The following TASP1 variants were observed in gnomAD, a reference collection of about 807,000 sequenced individuals.
The protein encoded by TASP1 is threonine aspartase 1.
A neutral mutation model predicts 56.6 loss-of-function variants in TASP1; 16 were observed. The ratio of observed to expected loss-of-function variants is 0.28; its 90% CI spans 0.19 to 0.43. The LOEUF is 0.43. TASP1 is among the 20% of genes least tolerant of loss of function. The pLI, the probability that TASP1 is intolerant of heterozygous loss-of-function variation, is 1.00. For missense variants in TASP1, 393 were observed against 511.6 expected, an observed-to-expected ratio of 0.77 and a Z score of 2.24; for synonymous variants, 179 against 184.2, an observed-to-expected ratio of 0.97 and a Z score of 0.23.
chr20:13,598,427 T>A lies in TASP1; in HGVS notation c.283-11057A>T, dbSNP rs539209064. Among the ~76,000 whole-genome samples, 3 of 152,260 alleles carry A rather than the reference T, an allele frequency of 2.0e-5. No individual in the cohort carries two copies. The East Asian group carries it at 5.8e-4, about 29-fold the overall frequency. ...TGACAAAACTGACAAAAACAAGAAA[T>A]GGGGAAATGATTCCCTATTTAATAA... is the stretch of plus-strand genomic sequence containing the variant. On this transcript the variant is annotated intron_variant, in intron 4 of 13. Transcript: ENST00000337743.
At position 13,410,981 on chromosome 20, in the gene TASP1, A is replaced by G. The variant is rs1358682019; in HGVS notation, c.1170+6467T>C. On this transcript the variant is annotated intron_variant, in intron 13 of 13. Coordinates refer to ENST00000337743, the MANE Select transcript of TASP1 (RefSeq NM_017714.3). ...TTTGGGGCCTTACATTTAAGATTTT[A>G]ATCAATCTTGAATGGATTTTTATAT... is the stretch of plus-strand genomic sequence containing the variant. Among the ~76,000 whole-genome samples the G allele has an allele frequency of 4.6e-5, 7 of 152,132 alleles. No homozygotes were observed. The East Asian group carries it at 1.3e-3, about 29-fold the overall frequency.
Position 13,577,797 on chromosome 20 carries a change from G to A in TASP1, c.488+3100C>T, listed in dbSNP as rs199870737. 3.3e-5 allele frequency among the ~76,000 whole-genome samples: 5 copies of A among 152,278 alleles called. No homozygotes were observed. The East Asian group carries it at 9.6e-4, about 29-fold the overall frequency. On this transcript the variant is annotated intron_variant, in intron 6 of 13. Transcript: ENST00000337743. ...ACTGAATCTAAGGTATTTTGTTAAG[G>A]CAGCCCAAGTAAATTAATTCTAACA...
At chr20:13,111,806 TC>T in the TASP1 span, among the ~76,000 whole-genome samples, 1 of 152,180 alleles carries the variant, frequency 6.6e-6, no homozygotes, top group African/African-American at 2.4e-5. Context: ...AGAACTTGGC[TC>T]CAGTAAATGA....
At chr20:13,591,040 T>C (rs1454888239) in intron 4 of TASP1, among the ~76,000 whole-genome samples, 1 of 139,590 alleles carries the variant, frequency 7.2e-6, no homozygotes, top group Non-Finnish European at 1.6e-5. Context: ...GTGAAAAAAA[T>C]ACTAAGAAAA....
At chr20:13,372,781 T>C in the TASP1 span, among the ~76,000 whole-genome samples, 1 of 152,112 alleles carries the variant, frequency 6.6e-6, no homozygotes, top group East Asian at 1.9e-4. Flanking sequence ...TGGTTTTTTA[T>C]AACTTATTTA....
At chr20:13,386,368 T>C (rs1177999540), downstream of TASP1, among the ~76,000 whole-genome samples, 1 of 152,222 alleles carries the variant, frequency 6.6e-6, no homozygotes, top group Non-Finnish European at 1.5e-5. Context: ...AAGGGTTGCC[T>C]CTAGGGAAGT....
intron 4 of TASP1, among the ~76,000 whole-genome samples, chr20:13,613,879 T>C (rs1357662533): frequency 6.6e-6 from 1 of 152,130 alleles, no homozygotes; most frequent in Non-Finnish European, 1.5e-5. Flanking sequence ...AGGGCATACT[T>C]GCAAATCAGA....
At chr20:13,576,312 GAGAA>G (rs1194294736) in intron 6 of TASP1, among the ~76,000 whole-genome samples, 3 of 143,434 alleles carry the variant, frequency 2.1e-5, no homozygotes, top group Non-Finnish European at 4.6e-5. Flanking sequence ...GAGAGAGAGA[GAGAA>G]AGAAAGAAAA....
At chr20:13,108,728 C>A in the TASP1 span, among the ~76,000 whole-genome samples, 1 of 152,160 alleles carries the variant, frequency 6.6e-6, no homozygotes, top group African/African-American at 2.4e-5. Context: ...GTGCCTACCA[C>A]CATACCCACT....
At chr20:13,321,764 G>A in the TASP1 span, among the ~76,000 whole-genome samples, 22 of 152,294 alleles carry the variant, frequency 1.4e-4, no homozygotes, top group South Asian at 1.0e-3. Flanking sequence ...AAAAAGTAGC[G>A]TTGAATTCAC....
chr20:13,165,144 A>G, the TASP1 span: 1 of 336,730 alleles, frequency 3.0e-6, no homozygotes, highest in East Asian at 5.5e-5. Context: ...TTTTAATGGC[A>G]ATAAGCCTGT....
the TASP1 span, among the ~76,000 whole-genome samples, chr20:13,342,150 G>A: frequency 6.6e-6 from 1 of 152,202 alleles, no homozygotes; most frequent in Non-Finnish European, 1.5e-5. Context: ...GGCCATTTTA[G>A]CAGTCGATTA....
intron 1 of TASP1, among the ~76,000 whole-genome samples, chr20:13,634,386 G>C (rs2049210717): frequency 6.6e-6 from 1 of 152,172 alleles, no homozygotes; most frequent in Non-Finnish European, 1.5e-5. Flanking sequence ...ATGGAAGGTA[G>C]GGTGATGGAG....
chr20:13,280,673 G>A, the TASP1 span, among the ~76,000 whole-genome samples: 1 of 152,090 alleles, frequency 6.6e-6, no homozygotes, highest in African/African-American at 2.4e-5. Context: ...GCCTGGAGAA[G>A]GAACACACAC....
Position 13,509,303 on chromosome 20 carries a change from A to T in TASP1, c.874+19130T>A, listed in dbSNP as rs138364254. Reference sequence around the variant, plus strand: ...CACTTATATATAAAAATCTAAAGTCAAGCTTATAGAAACAGAGAATAGAAG... The same window carrying T: ...CACTTATATATAAAAATCTAAAGTCTAGCTTATAGAAACAGAGAATAGAAG... On this transcript the variant is annotated intron_variant, in intron 10 of 13. Coordinates refer to ENST00000337743, the MANE Select transcript of TASP1 (RefSeq NM_017714.3). 5.1e-3 allele frequency among the ~76,000 whole-genome samples: 774 copies of T among 152,288 alleles called. 4 individuals carry two copies. The highest frequency in any genetic ancestry group is 0.012 in the East Asian group (60 of 5,184).
At chr20:13,187,925 ATATG>A in the TASP1 span, among the ~76,000 whole-genome samples, 12 of 151,954 alleles carry the variant, frequency 7.9e-5, no homozygotes, top group Non-Finnish European at 1.6e-4. Context: ...CCAGTGTGAG[ATATG>A]TGTGTGTATA....
the TASP1 span, among the ~76,000 whole-genome samples, chr20:13,161,111 A>G: frequency 6.6e-6 from 1 of 152,270 alleles, no homozygotes; most frequent in African/African-American, 2.4e-5. Flanking sequence ...TAATCCATGA[A>G]CAAATATTAC....
intron 12 of TASP1, among the ~76,000 whole-genome samples, chr20:13,432,324 A>G (rs1157537073): frequency 6.6e-6 from 1 of 152,208 alleles, no homozygotes; most frequent in Non-Finnish European, 1.5e-5. Context: ...TAGATGTGTG[A>G]GCACATTCTA....
intron 10 of TASP1, among the ~76,000 whole-genome samples, chr20:13,496,287 T>C (rs1475785639): frequency 6.6e-6 from 1 of 152,164 alleles, no homozygotes; most frequent in African/African-American, 2.4e-5. Context: ...ACTCCTGACC[T>C]CAGGTGATCC....
Sources: gnomAD v4.1 joint callset for allele counts (sites outside exome capture counted in the v4.1 genomes callset) on GRCh38, gnomAD v4.1.1 for gene constraint, MANE v1.5 for transcripts, NCBI Gene and HGNC (gene_info 2026-07-23, HGNC 2026-07-21) for gene names.